PSMC4: variants seen among roughly 807,000 people sequenced by gnomAD.
PSMC4 encodes the protein proteasome 26S subunit, ATPase 4.
In PSMC4, 13 loss-of-function variants were observed where a neutral mutation model predicts 48.4. That is an observed-to-expected ratio of 0.27 (90% CI 0.18 to 0.43). The LOEUF is 0.43. PSMC4 is among the 20% of genes least tolerant of loss of function. PSMC4 has a pLI of 1.00. For synonymous variants in PSMC4, 202 were observed against 212.3 expected (o/e 0.95, Z 0.42); for missense variants, 262 against 555.9 (o/e 0.47, Z 5.32).
rs376111516 is a variant in PSMC4 at position 39,972,140 on chromosome 19, G to T, written c.37-6G>T. 1 of 1,612,414 alleles carries T rather than the reference G, an allele frequency of 6.2e-7. No homozygotes were observed. On this transcript the variant is annotated splice_region_variant and splice_polypyrimidine_tract_variant and intron_variant, in intron 1 of 10. Coordinates refer to ENST00000157812, the MANE Select transcript of PSMC4 (RefSeq NM_006503.4). The stretch of plus-strand genomic sequence containing the variant: ...CTTCCAATGTGAGTTATCCCCTTTC[G>T]TCTAGGATGAGATCCCAGCACTGTC...
chr19:39,973,341 T>C (rs1452680881), intron 3 of PSMC4, among the ~76,000 whole-genome samples: 3 of 152,100 alleles, frequency 2.0e-5, no homozygotes, highest in Non-Finnish European at 2.9e-5. Context: ...CCCAGTACTT[T>C]GGGAGACTCA....
Position 39,971,166 on chromosome 19 carries a change from G to C in PSMC4, c.-37G>C. 1 of 1,613,228 alleles carries C rather than the reference G, an allele frequency of 6.2e-7. No individual in the cohort carries two copies. Among genetic ancestry groups the C allele is most frequent in the East Asian group, 2.2e-5 (1 of 44,854 alleles). On this transcript the variant is annotated 5_prime_UTR_variant, in exon 1 of 11. Coordinates refer to ENST00000157812, the MANE Select transcript of PSMC4 (RefSeq NM_006503.4). The stretch of plus-strand genomic sequence containing the variant: ...GTTGTCGTCAGCGGAAGCGGTGACA[G>C]ATCATCCCAGGCCACACAGAGGCCG...
rs1436286292 is a variant in PSMC4, at chr19:39,980,240, G to A, written c.919-46G>A. 1.2e-6 allele frequency: 2 copies of A among 1,613,570 alleles called. No individual in the cohort carries two copies. Among genetic ancestry groups the A allele is most frequent in the African/African-American group, 1.3e-5 (1 of 74,892 alleles). ...AAGGGGTGGTTATCGTGACAGGAAGGAGGTAGGAGTGCAGAGATCTGAGCT... is the reference window on the plus strand; with the variant it reads ...AAGGGGTGGTTATCGTGACAGGAAGAAGGTAGGAGTGCAGAGATCTGAGCT... On this transcript the variant is annotated intron_variant, in intron 8 of 10. Transcript: ENST00000157812. The surrounding 1 kb of genome is among the most constrained non-coding windows in gnomAD (Gnocchi z 4.8).
Position 39,980,383 on chromosome 19 carries a change from G to A in PSMC4, c.1016G>A (p.Arg339His). 1.2e-6 allele frequency: 2 copies of A among 1,614,058 alleles called. No homozygotes were observed. Among genetic ancestry groups the A allele is most frequent in the Non-Finnish European group, 1.7e-6 (2 of 1,180,020 alleles). ...RKIEFPLPDR[R>H]QKRLIFSTIT... is the part of the protein sequence containing the mutation. ...ATTGAATTTCCACTTCCTGACCGCC[G>A]CCAGAAGAGATTGATTTTCTCCACT... The change falls in exon 9 of 11, where the codon CGC becomes CAC. Residue 339 changes from arginine to histidine, a missense_variant. Arg to His is a conservative substitution (Grantham distance 29, BLOSUM62 0). Transcript: ENST00000157812. The surrounding 1 kb of genome is among the most constrained non-coding windows in gnomAD (Gnocchi z 4.8).
rs569221380 is a variant in PSMC4 at position 39,974,994 on chromosome 19, T to C, written c.673+166T>C. Among the ~76,000 whole-genome samples, 1 of 152,318 alleles carries C rather than the reference T, an allele frequency of 6.6e-6. No homozygotes were observed. The highest frequency in any genetic ancestry group is 1.9e-4 in the East Asian group (1 of 5,174). ...CTTCACCTCCTTGGGCCTCTCCTAG[T>C]AGTTGAAGACTCATTTCACCCGGTG... is the stretch of plus-strand genomic sequence containing the variant. On this transcript the variant is annotated intron_variant, in intron 6 of 10. Transcript: ENST00000157812. This position sits in a 1 kb window ranked among gnomAD's most constrained non-coding sequence, Gnocchi z 5.5.
intron 6 of PSMC4, among the ~76,000 whole-genome samples, chr19:39,978,787 C>T (rs1971243940): frequency 6.6e-6 from 1 of 152,062 alleles, no homozygotes; most frequent in South Asian, 2.1e-4. Flanking sequence ...AAGGCTAAGC[C>T]AGGAGGATCG....
chr19:39,971,897 C>T (rs1278960705), intron 1 of PSMC4, among the ~76,000 whole-genome samples: 1 of 151,962 alleles, frequency 6.6e-6, no homozygotes, highest in East Asian at 1.9e-4. Context: ...GGTTGTGTGA[C>T]ACTGGGGACA....
chr19:39,980,539 C>T lies in PSMC4; in HGVS notation c.1087+85C>T. On this transcript the variant is annotated intron_variant, in intron 9 of 10. Transcript: ENST00000157812. The surrounding 1 kb of genome is among the most constrained non-coding windows in gnomAD (Gnocchi z 4.8). Reference sequence around the variant, plus strand: ...CTCAACTTCTGCCAGCACCACAGCCCAGACTGTGCAGGTGGGACCAAGGTC... The same window carrying T: ...CTCAACTTCTGCCAGCACCACAGCCTAGACTGTGCAGGTGGGACCAAGGTC... 1 of 1,589,438 alleles carries T rather than the reference C, an allele frequency of 6.3e-7. No individual in the cohort carries two copies. The highest frequency in any genetic ancestry group is 1.3e-5 in the African/African-American group (1 of 74,434).
intron 6 of PSMC4, among the ~76,000 whole-genome samples, chr19:39,978,085 A>G (rs1250458979): frequency 1.3e-5 from 2 of 152,118 alleles, no homozygotes; most frequent in African/African-American, 2.4e-5. Context: ...TCAGCTCCCC[A>G]AAGTGTTGGG....
In PSMC4 at chr19:39,971,211, G is replaced by A. The variant is rs1386230691; in HGVS notation, c.9G>A (p.Glu3=). ME[E]IGILVEKAQD... ...AGGCCGGCTTGGTCACTATGGAGGA[G>A]ATAGGCATCTTGGTGGAGAAGGCTC... Residue 3 remains glutamate (E), a synonymous_variant, in exon 1 of 11, where the codon GAG becomes GAA. Transcript: ENST00000157812. 6.2e-7 allele frequency: 1 copy of A among 1,614,118 alleles called. No homozygotes were observed. Among genetic ancestry groups the A allele is most frequent in the Non-Finnish European group, 8.5e-7 (1 of 1,180,040 alleles).
Position 39,980,027 on chromosome 19 carries a change from G to A in PSMC4, c.841+43G>A. On this transcript the variant is annotated intron_variant, in intron 7 of 10. Transcript: ENST00000157812. The surrounding 1 kb of genome is among the most constrained non-coding windows in gnomAD (Gnocchi z 4.8). The stretch of plus-strand genomic sequence containing the variant: ...AAGGCCCGGGGTCTTGGACAGGCTT[G>A]TCGCATGGGATGCCTGGGACTGACT... 6.2e-7 allele frequency: 1 copy of A among 1,613,954 alleles called. No homozygotes were observed. Among genetic ancestry groups the A allele is most frequent in the Non-Finnish European group, 8.5e-7 (1 of 1,179,894 alleles).
intron 3 of PSMC4, among the ~76,000 whole-genome samples, chr19:39,973,258 C>G (rs1568374394): frequency 6.6e-6 from 1 of 152,078 alleles, no homozygotes; most frequent in Non-Finnish European, 1.5e-5. Flanking sequence ...TTGGGGCCTG[C>G]AGTTTGAAAC....
chr19:39,974,876 G>T lies in PSMC4; in HGVS notation c.673+48G>T. Reference sequence around the variant, plus strand: ...CGAGCTCTCATCTTCTGGCCTCTTCGCCTTGCTCCCTGCTCGCTCACTGGC... The same window carrying T: ...CGAGCTCTCATCTTCTGGCCTCTTCTCCTTGCTCCCTGCTCGCTCACTGGC... On this transcript the variant is annotated intron_variant, in intron 6 of 10. Transcript: ENST00000157812. The surrounding 1 kb of genome is among the most constrained non-coding windows in gnomAD (Gnocchi z 5.5). 6.5e-7 allele frequency: 1 copy of T among 1,538,670 alleles called. No individual in the cohort carries two copies. The highest frequency in any genetic ancestry group is 8.9e-7 in the Non-Finnish European group (1 of 1,117,430).
At position 39,980,015 on chromosome 19, in the gene PSMC4, T is replaced by C. The variant is rs1311543122; in HGVS notation, c.841+31T>C. On this transcript the variant is annotated intron_variant, in intron 7 of 10. Transcript: ENST00000157812. The surrounding 1 kb of genome is among the most constrained non-coding windows in gnomAD (Gnocchi z 4.8). The stretch of plus-strand genomic sequence containing the variant: ...TGATGCTGAAACAAGGCCCGGGGTC[T>C]TGGACAGGCTTGTCGCATGGGATGC... The C allele has an allele frequency of 4.3e-6, 7 of 1,613,838 alleles. No individual in the cohort carries two copies. In the South Asian group the frequency reaches 7.7e-5, roughly 18 times the overall value.
At chr19:39,976,846 A>ATTTT (rs1222145410) in intron 6 of PSMC4, among the ~76,000 whole-genome samples, 2 of 105,774 alleles carry the variant, frequency 1.9e-5, no homozygotes, top group African/African-American at 4.0e-5. Context: ...TTTGTGTGTG[A>ATTTT]TTTTTTTTTT....
In PSMC4 at chr19:39,976,604, G is replaced by A. The variant is rs563635614; in HGVS notation, c.673+1776G>A. On this transcript the variant is annotated intron_variant, in intron 6 of 10. Transcript: ENST00000157812. Reference sequence around the variant, plus strand: ...GCTTACTGCACGCTCTGCCTCCCAGGTTCACACCATTCTCCTGCCTCAGCC... The same window carrying A: ...GCTTACTGCACGCTCTGCCTCCCAGATTCACACCATTCTCCTGCCTCAGCC... 6.7e-5 allele frequency among the ~76,000 whole-genome samples: 10 copies of A among 149,546 alleles called. No individual in the cohort carries two copies. The South Asian group carries it at 2.1e-3, about 32-fold the overall frequency.
chr19:39,972,601 A>G (rs895051106), intron 3 of PSMC4, 46 bp downstream of exon 3: 1 of 1,541,984 alleles, frequency 6.5e-7, no homozygotes, highest in Non-Finnish European at 8.8e-7. Flanking sequence ...CTTAACAACT[A>G]TTTCCTACCA....
At chr19:39,975,978 G>T (rs1347381453) in intron 6 of PSMC4, among the ~76,000 whole-genome samples, 1 of 152,094 alleles carries the variant, frequency 6.6e-6, no homozygotes, top group African/African-American at 2.4e-5. Flanking sequence ...GCCAGGCGCG[G>T]TGGCTCACGC....
At chr19:39,975,674 G>A (rs987759844) in intron 6 of PSMC4, among the ~76,000 whole-genome samples, 1 of 152,086 alleles carries the variant, frequency 6.6e-6, no homozygotes, top group Non-Finnish European at 1.5e-5. Context: ...CTGTCAGATG[G>A]AAACAATCAT....
Sources: allele counts gnomAD v4.1 joint callset (sites outside exome capture counted in the v4.1 genomes callset), GRCh38; gene constraint gnomAD v4.1.1; non-coding constraint Gnocchi (gnomAD v3.1); transcripts MANE v1.5; gene names NCBI Gene and HGNC (gene_info 2026-07-23, HGNC 2026-07-21).